The following PPP2R2B variants were observed in gnomAD, a reference collection of about 807,000 sequenced individuals.
The protein encoded by PPP2R2B is protein phosphatase 2 regulatory subunit Bbeta, also known as serine/threonine-protein phosphatase 2A 55 kDa regulatory subunit B beta isoform.
In PPP2R2B, 5 loss-of-function variants were observed where a neutral mutation model predicts 46.0. The observed-to-expected ratio is 0.11, with a 90% CI of 0.06 to 0.23. The LOEUF (loss-of-function observed/expected upper bound fraction) is 0.23. PPP2R2B is among the 10% of genes least tolerant of loss of function. PPP2R2B has a pLI of 1.00. For synonymous variants in PPP2R2B, 215 were observed against 206.7 expected (o/e 1.04, Z -0.34); for missense variants, 367 against 575.0 (o/e 0.64, Z 3.70).
chr5:146,658,328 C>G (rs922699214), intron 5 of PPP2R2B, among the ~76,000 whole-genome samples: 3 of 152,122 alleles, frequency 2.0e-5, no homozygotes, highest in African/African-American at 7.2e-5. Flanking sequence ...ATTCCGGCCT[C>G]GCTTCAAATT....
chr5:147,078,225 T>C (rs547825131), intron 2 of PPP2R2B, among the ~76,000 whole-genome samples: 3 of 152,324 alleles, frequency 2.0e-5, no homozygotes, highest in Admixed American at 2.0e-4. Context: ...CTTACAAATA[T>C]CGAGTACTTA....
intron 7 of PPP2R2B, among the ~76,000 whole-genome samples, chr5:146,624,177 A>G (rs1206660519): frequency 1.3e-5 from 2 of 152,230 alleles, no homozygotes; most frequent in African/African-American, 2.4e-5. Flanking sequence ...AGGAGGATCA[A>G]TGAAGATAAA....
chr5:146,721,999 C>A (rs1780832922), intron 2 of PPP2R2B, among the ~76,000 whole-genome samples: 1 of 152,124 alleles, frequency 6.6e-6, no homozygotes, highest in East Asian at 1.9e-4. Context: ...CTCATTTAAC[C>A]CTCACAATAA....
intron 9 of PPP2R2B, chr5:146,592,237 C>A: frequency 2.6e-6 from 1 of 379,486 alleles, no homozygotes; most frequent in Middle Eastern, 3.7e-4. Flanking sequence ...CAAAGAAAGC[C>A]AAGAAACAGG....
At chr5:146,951,725 A>G (rs1582485196) in intron 1 of PPP2R2B, among the ~76,000 whole-genome samples, 1 of 152,174 alleles carries the variant, frequency 6.6e-6, no homozygotes, top group East Asian at 1.9e-4. Context: ...ATTGCATGGT[A>G]TATAGGTACC....
intron 2 of PPP2R2B, chr5:146,707,663 C>T (rs1427874344): frequency 2.5e-5 from 14 of 564,900 alleles, no homozygotes; most frequent in African/African-American, 2.4e-4. Flanking sequence ...AGTGGAGAAG[C>T]TGCTTCTTGG....
chr5:146,750,142 T>C (rs1045510725), intron 2 of PPP2R2B, among the ~76,000 whole-genome samples: 2 of 152,234 alleles, frequency 1.3e-5, no homozygotes, highest in African/African-American at 4.8e-5. Context: ...CTTTATTCTG[T>C]TCATTGATCT....
intron 8 of PPP2R2B, among the ~76,000 whole-genome samples, chr5:146,597,462 G>A (rs972601145): frequency 6.6e-6 from 1 of 151,954 alleles, no homozygotes; most frequent in African/African-American, 2.4e-5. Context: ...GCAGTACATC[G>A]TTACAATCAA....
At chr5:146,985,233 C>T (rs1753371206) in intron 1 of PPP2R2B, among the ~76,000 whole-genome samples, 2 of 151,916 alleles carry the variant, frequency 1.3e-5, no homozygotes, top group African/African-American at 4.8e-5. Context: ...ATGGGCCAGG[C>T]TGGTCTCGAA....
Position 146,681,296 on chromosome 5 carries a change from T to C in PPP2R2B, c.447+9832A>G, listed in dbSNP as rs535424822. On this transcript the variant is annotated intron_variant, in intron 5 of 9. Coordinates refer to ENST00000394411, the MANE Select transcript of PPP2R2B (RefSeq NM_181675.4). ...TTGATCTTCTATTAGTAAAGTCTAG[T>C]TGAAAAATAAATAAAAGTCAGCTCT... Among the ~76,000 whole-genome samples the C allele has an allele frequency of 7.9e-5, 12 of 152,340 alleles. No homozygotes were observed. In the South Asian group the frequency reaches 2.3e-3, roughly 29 times the overall value.
chr5:146,765,567 A>T (rs1754427055), intron 2 of PPP2R2B, among the ~76,000 whole-genome samples: 1 of 152,230 alleles, frequency 6.6e-6, no homozygotes, highest in African/African-American at 2.4e-5. Flanking sequence ...GCCACTCTAA[A>T]TTATAAATAG....
intron 2 of PPP2R2B, among the ~76,000 whole-genome samples, chr5:146,774,076 G>A (rs997623074): frequency 6.6e-6 from 1 of 152,160 alleles, no homozygotes; most frequent in East Asian, 1.9e-4. Flanking sequence ...GGACTTATAA[G>A]CCTTGGACTA....
At chr5:146,662,478 T>A (rs1581819166) in intron 5 of PPP2R2B, among the ~76,000 whole-genome samples, 1 of 152,200 alleles carries the variant, frequency 6.6e-6, no homozygotes, top group East Asian at 1.9e-4. Flanking sequence ...TAAAAACTGA[T>A]GCCTGCCTCC....
At position 146,865,513 on chromosome 5, in the gene PPP2R2B, G is replaced by A. The variant is rs187239293; in HGVS notation, c.70+12489C>T. 3.6e-3 allele frequency among the ~76,000 whole-genome samples: 552 copies of A among 152,202 alleles called. 7 individuals are homozygous for A. Among genetic ancestry groups the A allele is most frequent in the African/African-American group, 0.013 (530 of 41,546 alleles). ...ACAGGTTTCATATTCATATTCACGT[G>A]TGTTTTTTAACGTATATATTCCCAA... On this transcript the variant is annotated intron_variant, in intron 2 of 9. Transcript: ENST00000394411.
chr5:146,758,054 G>A (rs916829205), intron 2 of PPP2R2B, among the ~76,000 whole-genome samples: 2 of 152,142 alleles, frequency 1.3e-5, no homozygotes, highest in African/African-American at 4.8e-5. Context: ...GCATTGTGAT[G>A]CTATTCCTCA....
At chr5:146,915,724 T>C (rs1355444389) in intron 1 of PPP2R2B, among the ~76,000 whole-genome samples, 1 of 152,184 alleles carries the variant, frequency 6.6e-6, no homozygotes, top group East Asian at 1.9e-4. Context: ...GTTTATATAT[T>C]ATGCTGCATT....
chr5:147,071,670 A>G (rs757447508), intron 2 of PPP2R2B, among the ~76,000 whole-genome samples: 14 of 152,154 alleles, frequency 9.2e-5, no homozygotes, highest in Non-Finnish European at 5.9e-5. Flanking sequence ...TCGTTGCTCA[A>G]ATGTCATCTT....
intron 2 of PPP2R2B, among the ~76,000 whole-genome samples, chr5:146,849,304 T>A (rs2151380403): frequency 6.6e-6 from 1 of 152,358 alleles, no homozygotes; most frequent in South Asian, 2.1e-4. Context: ...CACTTGTGAA[T>A]ATATAAAGTT....
chr5:146,650,417 T>C (rs1775875316), intron 6 of PPP2R2B, 130 bp downstream of exon 6: 1 of 777,704 alleles, frequency 1.3e-6, no homozygotes, highest in Non-Finnish European at 2.0e-6. Flanking sequence ...GGTGCCAGTG[T>C]ATTTTAAAAG....
Sources: gnomAD v4.1 joint callset for allele counts (sites outside exome capture counted in the v4.1 genomes callset) on GRCh38, gnomAD v4.1.1 for gene constraint, MANE v1.5 for transcripts, NCBI Gene and HGNC (gene_info 2026-07-23, HGNC 2026-07-21) for gene names.